LRMDA: variants seen among roughly 807,000 people sequenced by gnomAD.
LRMDA encodes the protein leucine-rich melanocyte differentiation-associated protein.
In LRMDA, 18 loss-of-function variants were observed where a neutral mutation model predicts 29.8. The ratio of observed to expected loss-of-function variants is 0.60; its 90% CI spans 0.42 to 0.90. The LOEUF (loss-of-function observed/expected upper bound fraction) is 0.90, where lower values mean the gene tolerates loss of function less well. Among genes scored for constraint, LRMDA ranks in the 40% least tolerant of loss-of-function variants. LRMDA has a pLI of 0.00. For missense variants in LRMDA, 273 were observed against 273.9 expected (o/e 1.00, Z 0.02); for synonymous variants, 125 against 109.4 (o/e 1.14, Z -0.89).
At chr10:75,724,549 T>C (rs1473982577) in intron 2 of LRMDA, among the ~76,000 whole-genome samples, 3 of 152,206 alleles carry the variant, frequency 2.0e-5, no homozygotes, top group African/African-American at 7.2e-5. Flanking sequence ...ACTTAAGCAA[T>C]GGCGTGGTGC....
chr10:75,589,814 TA>T (rs1840700803), intron 2 of LRMDA, among the ~76,000 whole-genome samples: 1 of 151,816 alleles, frequency 6.6e-6, no homozygotes, highest in Non-Finnish European at 1.5e-5. Context: ...TCTTTGTGTA[TA>T]TATGTGTATT....
chr10:76,197,795 C>G (rs1564682279), intron 5 of LRMDA, among the ~76,000 whole-genome samples: 1 of 151,966 alleles, frequency 6.6e-6, no homozygotes, highest in Non-Finnish European at 1.5e-5. Flanking sequence ...TGACATGCAC[C>G]TGTAATCCCA....
intron 6 of LRMDA, among the ~76,000 whole-genome samples, chr10:76,534,018 A>G (rs1843265252): frequency 6.6e-6 from 1 of 152,156 alleles, no homozygotes; most frequent in African/African-American, 2.4e-5. Context: ...ATGAATACGT[A>G]CTGTGTTATG....
At position 76,047,217 on chromosome 10, in the gene LRMDA, G is replaced by A. The variant is rs1453827480; in HGVS notation, c.312G>A (p.Leu104=). 6.2e-7 allele frequency: 1 copy of A among 1,614,082 alleles called. No homozygotes were observed. The highest frequency in any genetic ancestry group is 1.7e-5 in the Admixed American group (1 of 60,016). ...ACTTGGCAGAAGTGACACCAGCTCT[G>A]GAGTACCTCAGTCTGCTGGGCAACG... ...LDHLAEVTPA[L]EYLSLLGNVA... The change falls in exon 4 of 7, where the codon CTG becomes CTA. Residue 104 remains leucine, a synonymous_variant. Coordinates refer to ENST00000611255, the MANE Select transcript of LRMDA (RefSeq NM_001305581.2).
chr10:76,003,155 G>A (rs1200693355), intron 2 of LRMDA, among the ~76,000 whole-genome samples: 3 of 152,098 alleles, frequency 2.0e-5, no homozygotes, highest in Non-Finnish European at 2.9e-5. Flanking sequence ...ATCAGAACAG[G>A]GAGCGCCACC....
chr10:75,766,048 G>T (rs894985531), intron 2 of LRMDA, among the ~76,000 whole-genome samples: 2 of 152,232 alleles, frequency 1.3e-5, no homozygotes, highest in African/African-American at 4.8e-5. Context: ...AAAAATGTCT[G>T]TTGGAAGGAG....
intron 5 of LRMDA, among the ~76,000 whole-genome samples, chr10:76,088,277 A>G (rs2132087478): frequency 6.6e-6 from 1 of 152,276 alleles, no homozygotes; most frequent in African/African-American, 2.4e-5. Flanking sequence ...TTTCTGCTCT[A>G]TCTGTAACCA....
rs111712901 is a variant in LRMDA at position 76,152,710 on chromosome 10, A to G, written c.516+93927A>G. On this transcript the variant is annotated intron_variant, in intron 5 of 6. Transcript: ENST00000611255. ...CTACTTGTTATTTTTTCTTACAGTGATCCTGTGGGTGTGAAACAGTATCTC... is the reference window on the plus strand; with the variant it reads ...CTACTTGTTATTTTTTCTTACAGTGGTCCTGTGGGTGTGAAACAGTATCTC... Among the ~76,000 whole-genome samples, 1,521 of 152,216 alleles carry G rather than the reference A, an allele frequency of 1.0e-2. 32 individuals carry two copies. Among genetic ancestry groups the G allele is most frequent in the African/African-American group, 0.035 (1,451 of 41,538 alleles).
chr10:75,610,100 C>G (rs140065315), intron 2 of LRMDA, among the ~76,000 whole-genome samples: 10 of 152,232 alleles, frequency 6.6e-5, no homozygotes, highest in African/African-American at 1.9e-4. Flanking sequence ...AGCTTTATCA[C>G]TTAAAAAATT....
rs528469526 is a variant in LRMDA at position 75,908,456 on chromosome 10, T to C, written c.132-127552T>C. ...GTGATGGCAAAATGCAATGGAAATT[T>C]CTTACAAGAAGTTATCATGTAGTAT... On this transcript the variant is annotated intron_variant, in intron 2 of 6. Coordinates refer to ENST00000611255, the MANE Select transcript of LRMDA (RefSeq NM_001305581.2). 1.6e-4 allele frequency among the ~76,000 whole-genome samples: 24 copies of C among 152,370 alleles called. No homozygotes were observed. In the South Asian group the frequency reaches 3.7e-3, roughly 24 times the overall value.
chr10:76,276,707 A>C (rs767618258), intron 5 of LRMDA, among the ~76,000 whole-genome samples: 1 of 152,168 alleles, frequency 6.6e-6, no homozygotes, highest in Non-Finnish European at 1.5e-5. Flanking sequence ...TTTGGCTTGT[A>C]TCCTGGGCAT....
At chr10:76,058,399 A>C (rs895020152) in intron 4 of LRMDA, among the ~76,000 whole-genome samples, 43 of 152,258 alleles carry the variant, frequency 2.8e-4, no homozygotes, top group African/African-American at 7.7e-4. Flanking sequence ...TGGCTAACCC[A>C]CGTGTGTGTG....
chr10:75,916,755 C>A (rs551257327), intron 2 of LRMDA, among the ~76,000 whole-genome samples: 1 of 152,258 alleles, frequency 6.6e-6, no homozygotes, highest in South Asian at 2.1e-4. Flanking sequence ...TGCGAAAACA[C>A]GCTGGTGATT....
rs890066933 is a variant in LRMDA, at chr10:76,217,333, C to A, written c.517-107068C>A. Among the ~76,000 whole-genome samples the A allele has an allele frequency of 3.9e-5, 6 of 152,172 alleles. No homozygotes were observed. In the East Asian group the frequency reaches 1.2e-3, roughly 29 times the overall value. Reference sequence around the variant, plus strand: ...ATAGCAGCTATACCTTCAGCTTCAACATTAACAATCCTTTGAAGCCAAGAC... The same window carrying A: ...ATAGCAGCTATACCTTCAGCTTCAAAATTAACAATCCTTTGAAGCCAAGAC... On this transcript the variant is annotated intron_variant, in intron 5 of 6. Transcript: ENST00000611255.
intron 5 of LRMDA, among the ~76,000 whole-genome samples, chr10:76,167,623 T>G (rs1194526301): frequency 6.6e-6 from 1 of 152,202 alleles, no homozygotes; most frequent in African/African-American, 2.4e-5. Context: ...TATCTGTTTT[T>G]GTACTAGTGC....
intron 2 of LRMDA, among the ~76,000 whole-genome samples, chr10:75,453,669 T>C (rs7896817): frequency 0.3 from 45,951 of 152,098 alleles, 6,972 homozygotes; most frequent in Middle Eastern, 0.33. Flanking sequence ...GCTCTGTTGA[T>C]TGAATGTATT....
intron 5 of LRMDA, among the ~76,000 whole-genome samples, chr10:76,291,934 A>G (rs1366861920): frequency 8.7e-5 from 4 of 45,776 alleles, no homozygotes; most frequent in Non-Finnish European, 1.4e-4. Context: ...ACACACGTGC[A>G]CACACACACA....
intron 2 of LRMDA, among the ~76,000 whole-genome samples, chr10:75,499,624 A>G (rs1225954574): frequency 1.3e-5 from 2 of 152,226 alleles, no homozygotes; most frequent in Non-Finnish European, 2.9e-5. Context: ...AATTAAAGCC[A>G]CAATCGGGGC....
At chr10:76,226,931 T>G (rs757665764) in intron 5 of LRMDA, among the ~76,000 whole-genome samples, 16 of 152,172 alleles carry the variant, frequency 1.1e-4, no homozygotes, top group Admixed American at 6.5e-5. Context: ...ACTAAGACAT[T>G]GTGTCAGATT....
Sources: gnomAD v4.1 joint callset for allele counts (sites outside exome capture counted in the v4.1 genomes callset) on GRCh38, gnomAD v4.1.1 for gene constraint, MANE v1.5 for transcripts, NCBI Gene and HGNC (gene_info 2026-07-23, HGNC 2026-07-21) for gene names.